The following CERK variants were observed in gnomAD, a reference collection of about 807,000 sequenced individuals.
The protein encoded by CERK is acylsphingosine kinase.
CERK carries 39 observed loss-of-function variants against 63.4 expected under a neutral mutation model. The observed-to-expected ratio is 0.61, with a 90% CI of 0.48 to 0.80. CERK has a LOEUF of 0.80. Ranked by LOEUF, CERK falls within the 30% of genes least tolerant of loss-of-function variation. The pLI, the probability that CERK is intolerant of heterozygous loss-of-function variation, is 0.00. For synonymous variants in CERK, 302 were observed against 280.0 expected, an observed-to-expected ratio of 1.08 and a Z score of -0.78; for missense variants, 670 against 714.1, an observed-to-expected ratio of 0.94 and a Z score of 0.70.
chr22:46,731,731 C>T (rs73888633), intron 1 of CERK, among the ~76,000 whole-genome samples: 2,088 of 152,146 alleles, frequency 0.014, 56 homozygotes, highest in African/African-American at 0.047. Flanking sequence ...GCCCCGGGAG[C>T]AGGTGGGGGC....
chr22:46,716,097 G>A (rs1360851232), intron 3 of CERK, among the ~76,000 whole-genome samples: 1 of 152,072 alleles, frequency 6.6e-6, no homozygotes, highest in African/African-American at 2.4e-5. Context: ...GGCTGAGGCA[G>A]AAGCATTGCT....
At chr22:46,722,428 G>A (rs975510070) in intron 1 of CERK, among the ~76,000 whole-genome samples, 25 of 152,140 alleles carry the variant, frequency 1.6e-4, no homozygotes, top group Non-Finnish European at 1.5e-5. Flanking sequence ...TACAGAGGAT[G>A]AAGTCTGGCT....
At chr22:46,716,962 T>G (rs879899512) in intron 3 of CERK, among the ~76,000 whole-genome samples, 1 of 146,550 alleles carries the variant, frequency 6.8e-6, no homozygotes, top group Non-Finnish European at 1.5e-5. Flanking sequence ...AAAAAAAGAA[T>G]GAAAGAAAGG....
In CERK at chr22:46,690,090, C is replaced by G; in HGVS notation, c.1443G>C (p.Gly481=). The G allele has an allele frequency of 1.9e-6, 3 of 1,613,988 alleles. No homozygotes were observed. Among genetic ancestry groups the G allele is most frequent in the South Asian group, 2.2e-5 (2 of 91,074 alleles). ...AGGAGGGGTGGCTGCTGCAAATGTGCCCAAAGCGCTTCTTCCCCCCCTCCT... is the reference window on the plus strand; with the variant it reads ...AGGAGGGGTGGCTGCTGCAAATGTGGCCAAAGCGCTTCTTCCCCCCCTCCT... The part of the protein sequence containing the change: ...DLKEGGKKRF[G]HICSSHPSCC... Residue 481 remains glycine (G), a synonymous_variant, in exon 12 of 13, where the codon GGG becomes GGC. Transcript: ENST00000216264.
At chr22:46,708,881 C>T (rs911635241) in intron 5 of CERK, among the ~76,000 whole-genome samples, 4 of 152,034 alleles carry the variant, frequency 2.6e-5, no homozygotes, top group Non-Finnish European at 4.4e-5. Flanking sequence ...CGGTGTGAGT[C>T]GACTAGGGGG....
intron 3 of CERK, among the ~76,000 whole-genome samples, chr22:46,717,486 A>G (rs1165413715): frequency 1.3e-5 from 2 of 152,260 alleles, no homozygotes; most frequent in African/African-American, 4.8e-5. Flanking sequence ...GAGCGTGGAA[A>G]ATTTATGCAA....
chr22:46,718,351 G>A (rs1183412312), intron 3 of CERK, among the ~76,000 whole-genome samples: 2 of 152,182 alleles, frequency 1.3e-5, no homozygotes, highest in Non-Finnish European at 2.9e-5. Context: ...GGAGGAAAGG[G>A]AAGGAGAAAG....
intron 1 of CERK, among the ~76,000 whole-genome samples, chr22:46,735,747 G>A (rs942524921): frequency 1.3e-5 from 2 of 152,200 alleles, no homozygotes; most frequent in Non-Finnish European, 2.9e-5. Context: ...GCTGGGCAAT[G>A]CCACCTTGCT....
rs576376600 is a variant in CERK, at chr22:46,686,948, G to C, written c.*186C>G. On this transcript the variant is annotated 3_prime_UTR_variant, in exon 13 of 13. Transcript: ENST00000216264. ...GGCGTGGGCTGCAACCCGCAGATGC[G>C]TACAGAACTGAAAATGCCAAATATG... The C allele has an allele frequency of 1.7e-6, 1 of 591,856 alleles. No individual in the cohort carries two copies. Among genetic ancestry groups the C allele is most frequent in the Non-Finnish European group, 3.0e-6 (1 of 337,368 alleles). The allele number at this position is 591,856 out of a possible 1,614,324, so 36.7% of individuals were successfully genotyped here. A position where few individuals can be genotyped will look rare whatever the true frequency, so the allele number is the denominator to read the frequency against.
chr22:46,705,925 T>G (rs2082810589), intron 6 of CERK, among the ~76,000 whole-genome samples: 1 of 151,910 alleles, frequency 6.6e-6, no homozygotes. Context: ...TGGTCCCAGC[T>G]ACTTGGGAGG....
Position 46,720,970 on chromosome 22 carries a change from G to C in CERK, c.188C>G (p.Thr63Arg). The C allele has an allele frequency of 6.2e-7, 1 of 1,613,768 alleles. No individual in the cohort carries two copies. The highest frequency in any genetic ancestry group is 8.5e-7 in the Non-Finnish European group (1 of 1,179,736). ...PVSEIIAVEETDVHGKHQGSG... is the reference protein window; with the variant it reads ...PVSEIIAVEERDVHGKHQGSG... ...GCCTTGATGTTTCCCGTGAACGTCT[G>C]TTTCCTCAACGGCGATGATCTCAGA... is the stretch of plus-strand genomic sequence containing the variant. Residue 63 changes from threonine (T) to arginine (R), a missense_variant, in exon 2 of 13, where the codon ACA (threonine) becomes AGA (arginine). Physicochemically the swap from Thr to Arg is moderately conservative, Grantham distance 71. Coordinates refer to ENST00000216264, the MANE Select transcript of CERK (RefSeq NM_022766.6).
At chr22:46,732,113 G>A (rs367683428) in intron 1 of CERK, among the ~76,000 whole-genome samples, 3 of 152,140 alleles carry the variant, frequency 2.0e-5, no homozygotes, top group Non-Finnish European at 4.4e-5. Flanking sequence ...CCGGACAGCC[G>A]AATCGAGAAC....
At chr22:46,719,187 C>CTT (rs202211340) in intron 3 of CERK, among the ~76,000 whole-genome samples, 1 of 151,556 alleles carries the variant, frequency 6.6e-6, no homozygotes, top group African/African-American at 2.4e-5. Context: ...CCATATGTTC[C>CTT]TTTTTTTAAA....
At chr22:46,727,053 GA>G (rs2082922053) in intron 1 of CERK, among the ~76,000 whole-genome samples, 2 of 152,026 alleles carry the variant, frequency 1.3e-5, no homozygotes, top group Admixed American at 1.3e-4. Flanking sequence ...ATCTAACAAA[GA>G]AAAAAATCTG....
intron 1 of CERK, among the ~76,000 whole-genome samples, chr22:46,727,262 T>C (rs573224636): frequency 6.6e-6 from 1 of 152,154 alleles, no homozygotes; most frequent in African/African-American, 2.4e-5. Flanking sequence ...CAGCACACCA[T>C]TAGTAGCCAC....
Position 46,686,955 on chromosome 22 carries a change from A to G in CERK, c.*179T>C, listed in dbSNP as rs2082704638. On this transcript the variant is annotated 3_prime_UTR_variant, in exon 13 of 13. Coordinates refer to ENST00000216264, the MANE Select transcript of CERK (RefSeq NM_022766.6). ...GCTGCAACCCGCAGATGCGTACAGAACTGAAAATGCCAAATATGTACACAA... is the reference window on the plus strand; with the variant it reads ...GCTGCAACCCGCAGATGCGTACAGAGCTGAAAATGCCAAATATGTACACAA... 1.3e-5 allele frequency: 8 copies of G among 616,516 alleles called. No individual in the cohort carries two copies. The highest frequency in any genetic ancestry group is 1.7e-5 in the Non-Finnish European group (6 of 356,762). 38.2% of individuals were successfully genotyped at this position (616,516 alleles called of 1,614,324 possible).
chr22:46,687,030 AAT>A lies in CERK; in HGVS notation c.*102_*103del, dbSNP rs1445148883. Reference sequence around the variant, plus strand: ...CTAAAATCAAGATTTAACTATCAAAAATAAATTTCTACATTTAAATGTATATA... The same window carrying A: ...CTAAAATCAAGATTTAACTATCAAAAAAATTTCTACATTTAAATGTATATA... On this transcript the variant is annotated 3_prime_UTR_variant, in exon 13 of 13. Transcript: ENST00000216264. 1 of 948,478 alleles carries A rather than the reference AAT, an allele frequency of 1.1e-6. No individual in the cohort carries two copies. The highest frequency in any genetic ancestry group is 1.7e-5 in the African/African-American group (1 of 59,580). 58.8% of individuals were successfully genotyped at this position (948,478 alleles called of 1,614,324 possible).
At chr22:46,711,550 C>T (rs572083829) in intron 4 of CERK, among the ~76,000 whole-genome samples, 1 of 152,150 alleles carries the variant, frequency 6.6e-6, no homozygotes, top group Non-Finnish European at 1.5e-5. Context: ...TATTGAAAGT[C>T]CCCCCACCCC....
intron 3 of CERK, among the ~76,000 whole-genome samples, chr22:46,718,411 C>A (rs117327271): frequency 6.6e-6 from 1 of 151,938 alleles, no homozygotes; most frequent in Non-Finnish European, 1.5e-5. Flanking sequence ...GAGGGGAAGG[C>A]GGGAGAAACA....
Sources: allele counts gnomAD v4.1 joint callset (sites outside exome capture counted in the v4.1 genomes callset), GRCh38; gene constraint gnomAD v4.1.1; transcripts MANE v1.5; gene names NCBI Gene and HGNC (gene_info 2026-07-23, HGNC 2026-07-21).